The following FXR1 variants were observed in gnomAD, a reference collection of about 807,000 sequenced individuals.
FXR1 encodes the protein RNA-binding protein FXR1.
FXR1 carries 15 observed loss-of-function variants against 84.0 expected under a neutral mutation model. The observed-to-expected ratio is 0.18, with a 90% CI of 0.12 to 0.27. FXR1 has a LOEUF of 0.27. FXR1 is among the 10% of genes least tolerant of loss of function. The probability of loss-of-function intolerance (pLI) is 1.00; values close to 1 mark genes in which losing one functional copy is unlikely to be tolerated. For missense variants in FXR1, 480 were observed against 774.4 expected, an observed-to-expected ratio of 0.62 and a Z score of 4.51; for synonymous variants, 245 against 250.7, an observed-to-expected ratio of 0.98 and a Z score of 0.21.
chr3:180,929,194 C>T lies in FXR1; in HGVS notation c.52-4140C>T, dbSNP rs534151818. On this transcript the variant is annotated intron_variant, in intron 1 of 16. Transcript: ENST00000357559. The stretch of plus-strand genomic sequence containing the variant: ...TGCTGGGATTACAGGCGTGAGCCAC[C>T]GCGCCCGGCCTAATTTATGGCATTT... 5.8e-4 allele frequency among the ~76,000 whole-genome samples: 89 copies of T among 152,144 alleles called. 1 individual carries two copies. Among genetic ancestry groups the T allele is most frequent in the Non-Finnish European group, 2.1e-4 (14 of 68,020 alleles).
chr3:180,931,450 C>A (rs1241378633), intron 1 of FXR1, among the ~76,000 whole-genome samples: 1 of 152,102 alleles, frequency 6.6e-6, no homozygotes, highest in Admixed American at 6.6e-5. Flanking sequence ...AACTCCTGAC[C>A]TCAGGTGATC....
chr3:180,956,605 T>C (rs1388628190), intron 9 of FXR1, among the ~76,000 whole-genome samples: 1 of 152,164 alleles, frequency 6.6e-6, no homozygotes, highest in Non-Finnish European at 1.5e-5. Context: ...CTGCTTGAGC[T>C]TCACTGTGTT....
At chr3:180,915,444 T>C in intron 1 of FXR1, 2 of 1,205,024 alleles carry the variant, frequency 1.7e-6, no homozygotes, top group Non-Finnish European at 1.2e-6. Flanking sequence ...GTGTAGTGTT[T>C]TGAGTCCGGC....
intron 15 of FXR1, among the ~76,000 whole-genome samples, chr3:180,974,652 G>C (rs1217184734): frequency 6.6e-6 from 1 of 151,936 alleles, no homozygotes; most frequent in Non-Finnish European, 1.5e-5. Flanking sequence ...GGTGTGGGAG[G>C]GGTGTCATTG....
In FXR1 at chr3:180,978,521, A is replaced by G. The variant is rs1267064718; in HGVS notation, c.*2229A>G. On this transcript the variant is annotated 3_prime_UTR_variant, in exon 17 of 17. Transcript: ENST00000357559. ...AGAGGGTTCCGTCTTTTTGGCTGCTATCCTAGTTAGGTGAGATGTTGCTAT... is the reference window on the plus strand; with the variant it reads ...AGAGGGTTCCGTCTTTTTGGCTGCTGTCCTAGTTAGGTGAGATGTTGCTAT... 1 of 152,078 alleles carries G rather than the reference A, an allele frequency of 6.6e-6. No homozygotes were observed. The highest frequency in any genetic ancestry group is 1.5e-5 in the Non-Finnish European group (1 of 67,982). 9.4% of individuals were successfully genotyped at this position (152,078 alleles called of 1,614,324 possible). A position where few individuals can be genotyped will look rare whatever the true frequency, so the allele number is the denominator to read the frequency against.
intron 6 of FXR1, 93 bp from the exon 7 acceptor site, chr3:180,949,134 A>C: frequency 2.6e-6 from 2 of 772,366 alleles, no homozygotes; most frequent in African/African-American, 1.7e-5. Context: ...AGTAGATGAG[A>C]AGCAAGGAAG....
chr3:180,970,433 A>G lies in FXR1; in HGVS notation c.1603+75A>G, dbSNP rs540544175. On this transcript the variant is annotated intron_variant, in intron 15 of 16. Transcript: ENST00000357559. ...ATATATATATATATAATTGTAAACT[A>G]TTGTTAGTATATGAAGCTTTTTTCA... The G allele has an allele frequency of 5.1e-5, 13 of 253,382 alleles. No homozygotes were observed. The Admixed American group carries it at 7.0e-4, about 14-fold the overall frequency. 15.7% of individuals were successfully genotyped at this position (253,382 alleles called of 1,614,324 possible). A position where few individuals can be genotyped will look rare whatever the true frequency, so the allele number is the denominator to read the frequency against.
At chr3:180,924,230 G>C (rs1718912390) in intron 1 of FXR1, among the ~76,000 whole-genome samples, 1 of 152,122 alleles carries the variant, frequency 6.6e-6, no homozygotes, top group African/African-American at 2.4e-5. Context: ...GATTACAGGT[G>C]TGAGCTGTCG....
At chr3:180,952,225 C>CG (rs1261001673) in intron 8 of FXR1, among the ~76,000 whole-genome samples, 27 of 152,046 alleles carry the variant, frequency 1.8e-4, no homozygotes, top group Non-Finnish European at 2.9e-4. Flanking sequence ...TCCAAAGTGC[C>CG]GGGACTATAG....
chr3:180,912,819 GT>G, intron 1 of FXR1, 83 bp downstream of exon 1: 1 of 1,606,412 alleles, frequency 6.2e-7, no homozygotes, highest in South Asian at 1.1e-5. Flanking sequence ...AGAGAGTGAG[GT>G]TTGGGGTCGG....
Position 180,912,832 on chromosome 3 carries a change from A to G in FXR1, c.51+96A>G, listed in dbSNP as rs529169667. 44 of 1,601,198 alleles carry G rather than the reference A, an allele frequency of 2.7e-5. No homozygotes were observed. In the Admixed American group the frequency reaches 2.9e-4, roughly 10 times the overall value. The stretch of plus-strand genomic sequence containing the variant: ...CCAGAGAGTGAGGTTTGGGGTCGGA[A>G]AGGCAGCCAGGCCAAAGCTCGAGGC... On this transcript the variant is annotated intron_variant, in intron 1 of 16. Transcript: ENST00000357559.
At position 180,923,810 on chromosome 3, in the gene FXR1, C is replaced by T. The variant is rs559577129; in HGVS notation, c.52-9524C>T. Among the ~76,000 whole-genome samples the T allele has an allele frequency of 7.9e-5, 12 of 151,964 alleles. No individual in the cohort carries two copies. The South Asian group carries it at 1.0e-3, about 13-fold the overall frequency. ...CTATGTTGCCCAGGCTGGCTGGCCT[C>T]GAACTACTAGGCTCAAGTGATCTTC... On this transcript the variant is annotated intron_variant, in intron 1 of 16. Transcript: ENST00000357559.
chr3:180,942,377 C>CAAAAAAAAAAAAAAA (rs765066164), intron 3 of FXR1, among the ~76,000 whole-genome samples: 5 of 31,106 alleles, frequency 1.6e-4, no homozygotes, highest in African/African-American at 4.6e-4. Flanking sequence ...GACTCCGTCT[C>CAAAAAAAAAAAAAAA]AAAAAAAAAA....
rs1233006435 is a variant in FXR1, at chr3:180,929,991, C to T, written c.52-3343C>T. Among the ~76,000 whole-genome samples the T allele has an allele frequency of 3.9e-5, 6 of 152,300 alleles. No homozygotes were observed. In the South Asian group the frequency reaches 8.3e-4, roughly 21 times the overall value. On this transcript the variant is annotated intron_variant, in intron 1 of 16. Coordinates refer to ENST00000357559, the MANE Select transcript of FXR1 (RefSeq NM_005087.4). ...AAGAGTAGATGCTCAAGGGCCGGGG[C>T]GTGGTGGCTCACGCCTGTAATCCCA...
intron 8 of FXR1, 23 bp from the exon 9 acceptor site, chr3:180,953,739 T>G (rs746347984): frequency 8.0e-7 from 1 of 1,243,684 alleles, no homozygotes; most frequent in Admixed American, 2.1e-5. Flanking sequence ...GGATTTCATT[T>G]TTACTTTTCC....
chr3:180,952,770 G>T (rs1037980289), intron 8 of FXR1, among the ~76,000 whole-genome samples: 2 of 150,738 alleles, frequency 1.3e-5, no homozygotes, highest in Non-Finnish European at 2.9e-5. Flanking sequence ...GGTATATCAT[G>T]TAGTGTGCAC....
At position 180,918,739 on chromosome 3, in the gene FXR1, C is replaced by T. The variant is rs1718200993; in HGVS notation, c.51+6003C>T. Among the ~76,000 whole-genome samples the T allele has an allele frequency of 2.0e-5, 3 of 152,154 alleles. No individual in the cohort carries two copies. In the South Asian group the frequency reaches 6.2e-4, roughly 32 times the overall value. ...CTATTTATAAGTTGTGAAATCTTTG[C>T]TAGTTTCTGTTGATGGCAGTCCCAT... On this transcript the variant is annotated intron_variant, in intron 1 of 16. Transcript: ENST00000357559.
chr3:180,917,429 C>T (rs1211643574), intron 1 of FXR1, among the ~76,000 whole-genome samples: 1 of 152,054 alleles, frequency 6.6e-6, no homozygotes, highest in Admixed American at 6.6e-5. Flanking sequence ...TATTAGGCCA[C>T]CCTGTTAATT....
chr3:180,949,083 T>C (rs951626368), intron 6 of FXR1, 144 bp from the exon 7 acceptor site: 1 of 683,668 alleles, frequency 1.5e-6, no homozygotes, highest in East Asian at 2.5e-5. Flanking sequence ...GAAAGGAAAG[T>C]GTGATTACTC....
Sources: gnomAD v4.1 joint callset for allele counts (sites outside exome capture counted in the v4.1 genomes callset) on GRCh38, gnomAD v4.1.1 for gene constraint, MANE v1.5 for transcripts, NCBI Gene and HGNC (gene_info 2026-07-23, HGNC 2026-07-21) for gene names.